CSMD1: variants seen among roughly 807,000 people sequenced by gnomAD.
CSMD1 encodes CUB and sushi domain-containing protein 1.
In CSMD1, 213 loss-of-function variants were observed where a neutral mutation model predicts 417.5. The observed-to-expected ratio is 0.51, with a 90% CI of 0.46 to 0.57. The LOEUF (loss-of-function observed/expected upper bound fraction) is 0.57, where lower values mean the gene tolerates loss of function less well. CSMD1 is among the 20% of genes least tolerant of loss of function. The pLI, the probability that CSMD1 is intolerant of heterozygous loss-of-function variation, is 0.00. For missense variants in CSMD1, 6,923 were observed against 4,529.7 expected (o/e 1.53, Z -15.17); for synonymous variants, 2,862 against 1,736.8 (o/e 1.65, Z -16.11).
chr8:3,103,566 G>A (rs1054693244), intron 46 of CSMD1, among the ~76,000 whole-genome samples: 5 of 152,036 alleles, frequency 3.3e-5, no homozygotes, highest in Non-Finnish European at 7.4e-5. Flanking sequence ...TCACTCGGTG[G>A]TAGGAATTTT....
At chr8:4,455,712 C>T (rs900865429) in intron 2 of CSMD1, among the ~76,000 whole-genome samples, 3 of 151,668 alleles carry the variant, frequency 2.0e-5, no homozygotes, top group African/African-American at 7.3e-5. Flanking sequence ...GGGTCGATCA[C>T]CTGAGGTCAG....
intron 4 of CSMD1, among the ~76,000 whole-genome samples, chr8:4,013,638 T>C (rs1043769967): frequency 6.6e-6 from 1 of 152,188 alleles, no homozygotes; most frequent in East Asian, 1.9e-4. Context: ...ATGTTATCTA[T>C]CTCCACCCAT....
intron 1 of CSMD1, among the ~76,000 whole-genome samples, chr8:4,857,053 T>G (rs1013456605): frequency 1.4e-5 from 2 of 147,320 alleles, no homozygotes; most frequent in African/African-American, 5.0e-5. Context: ...GAACAGAAAT[T>G]ATAACAAACT....
At chr8:3,517,998 G>A (rs1277772014) in intron 10 of CSMD1, among the ~76,000 whole-genome samples, 5 of 152,010 alleles carry the variant, frequency 3.3e-5, no homozygotes, top group Admixed American at 2.6e-4. Flanking sequence ...AAATCATGTA[G>A]GTGAACTTAA....
At chr8:4,342,207 G>GTT (rs1800516713) in intron 3 of CSMD1, among the ~76,000 whole-genome samples, 3 of 4,978 alleles carry the variant, frequency 6.0e-4, no homozygotes, top group Non-Finnish European at 1.0e-3. Context: ...TGCTGTGTCT[G>GTT]TGTGTGTGTG....
chr8:3,038,692 G>GAA (rs57760507), intron 50 of CSMD1, among the ~76,000 whole-genome samples: 3 of 151,172 alleles, frequency 2.0e-5, no homozygotes, highest in East Asian at 1.9e-4. Flanking sequence ...GCTCTTTGCT[G>GAA]AAAAAAAAAT....
chr8:3,274,139 G>A (rs1422118028), intron 26 of CSMD1, among the ~76,000 whole-genome samples: 9 of 151,312 alleles, frequency 5.9e-5, no homozygotes, highest in South Asian at 4.2e-4. Flanking sequence ...CTTTGTTCTC[G>A]TTGGTTTCAA....
chr8:3,399,607 G>A (rs1435934450), intron 15 of CSMD1, 78 bp from the exon 16 acceptor site: 2 of 1,114,470 alleles, frequency 1.8e-6, no homozygotes, highest in Non-Finnish European at 2.5e-6. Flanking sequence ...ATAAAAGCCA[G>A]AATCTGCTTC....
intron 3 of CSMD1, among the ~76,000 whole-genome samples, chr8:4,320,337 C>T (rs1045538136): frequency 6.6e-6 from 1 of 152,138 alleles, no homozygotes; most frequent in African/African-American, 2.4e-5. Flanking sequence ...TTTCCTTCCA[C>T]AAGTCATCAC....
At chr8:3,131,868 T>C (rs1817811581) in intron 41 of CSMD1, among the ~76,000 whole-genome samples, 1 of 152,210 alleles carries the variant, frequency 6.6e-6, no homozygotes, top group African/African-American at 2.4e-5. Context: ...AATATTGTTA[T>C]GTATATATTT....
chr8:4,325,027 C>A (rs1303832233), intron 3 of CSMD1, among the ~76,000 whole-genome samples: 3 of 152,074 alleles, frequency 2.0e-5, no homozygotes, highest in African/African-American at 7.2e-5. Context: ...GTGAGTGCTG[C>A]ACTGTGGCTC....
At chr8:4,034,579 T>G (rs999060742) in intron 3 of CSMD1, among the ~76,000 whole-genome samples, 1 of 152,148 alleles carries the variant, frequency 6.6e-6, no homozygotes, top group Admixed American at 6.5e-5. Context: ...CTTCAACTTT[T>G]GACTCAGAAT....
At chr8:4,613,848 G>A (rs552445705) in intron 2 of CSMD1, among the ~76,000 whole-genome samples, 12 of 135,160 alleles carry the variant, frequency 8.9e-5, no homozygotes, top group East Asian at 6.5e-4. Flanking sequence ...AAAGCAGAAG[G>A]CTGTCTAATG....
At chr8:4,787,108 C>T (rs1797440379) in intron 1 of CSMD1, among the ~76,000 whole-genome samples, 1 of 152,194 alleles carries the variant, frequency 6.6e-6, no homozygotes, top group African/African-American at 2.4e-5. Context: ...ACTCGGCCTC[C>T]GCTGGCTCAA....
At chr8:3,527,817 T>C (rs945365909) in intron 10 of CSMD1, among the ~76,000 whole-genome samples, 2 of 152,188 alleles carry the variant, frequency 1.3e-5, no homozygotes, top group African/African-American at 2.4e-5. Context: ...AAACATCCTG[T>C]TTAATAACAG....
intron 33 of CSMD1, among the ~76,000 whole-genome samples, chr8:3,194,454 T>C (rs865916465): frequency 3.3e-5 from 4 of 120,244 alleles, no homozygotes; most frequent in Non-Finnish European, 3.8e-5. Flanking sequence ...TATTTTATTT[T>C]ATTTTATTTC....
intron 5 of CSMD1, among the ~76,000 whole-genome samples, chr8:3,935,680 A>T (rs1041566211): frequency 6.6e-6 from 1 of 152,114 alleles, no homozygotes; most frequent in African/African-American, 2.4e-5. Flanking sequence ...GTGTGTTCTG[A>T]CTGCTCCACT....
chr8:3,576,677 A>C (rs13273391), intron 9 of CSMD1, among the ~76,000 whole-genome samples: 63,090 of 152,052 alleles, frequency 0.41, 13,615 homozygotes, highest in Middle Eastern at 0.51. Context: ...CATTGGTCTA[A>C]AGGTCACTGG....
chr8:3,965,663 G>A (rs527894441), intron 5 of CSMD1, among the ~76,000 whole-genome samples: 6 of 151,848 alleles, frequency 4.0e-5, no homozygotes, highest in Non-Finnish European at 1.5e-5. Context: ...TGTCGCCCAG[G>A]CTGGAGTGCA....
Sources: allele counts gnomAD v4.1 joint callset (sites outside exome capture counted in the v4.1 genomes callset), GRCh38; gene constraint gnomAD v4.1.1; transcripts MANE v1.5; gene names NCBI Gene and HGNC (gene_info 2026-07-23, HGNC 2026-07-21).